The following KLHL22 variants were observed in gnomAD, a reference collection of about 807,000 sequenced individuals.
The protein encoded by KLHL22 is kelch-like protein 22.
KLHL22 carries 18 observed loss-of-function variants against 60.7 expected under a neutral mutation model. The ratio of observed to expected loss-of-function variants is 0.30; its 90% confidence interval spans 0.20 to 0.44. KLHL22 has a LOEUF of 0.44. Among genes scored for constraint, KLHL22 ranks in the 20% least tolerant of loss-of-function variants. The pLI, the probability that KLHL22 is intolerant of heterozygous loss-of-function variation, is 1.00. For missense variants in KLHL22, 596 were observed against 852.3 expected (o/e 0.70, Z 3.74); for synonymous variants, 355 against 354.5 (o/e 1.00, Z -0.01).
chr22:20,470,645 T>C (rs372419728), intron 3 of KLHL22, among the ~76,000 whole-genome samples: 29 of 152,244 alleles, frequency 1.9e-4, no homozygotes, highest in African/African-American at 5.5e-4. Context: ...AGAGAGCTTG[T>C]CTCCAATAAA....
intron 3 of KLHL22, among the ~76,000 whole-genome samples, chr22:20,470,617 C>G (rs2053299792): frequency 1.3e-5 from 2 of 152,142 alleles, no homozygotes; most frequent in Non-Finnish European, 2.9e-5. Context: ...CCACTGCACT[C>G]CAGCCTGGGC....
intron 4 of KLHL22, among the ~76,000 whole-genome samples, chr22:20,458,509 C>A (rs2053102893): frequency 7.1e-6 from 1 of 141,190 alleles, no homozygotes; most frequent in African/African-American, 2.6e-5. Context: ...TGGACTTAGG[C>A]AATCCTCCTG....
At chr22:20,473,556 A>G (rs1410482163) in intron 2 of KLHL22, among the ~76,000 whole-genome samples, 2 of 152,214 alleles carry the variant, frequency 1.3e-5, no homozygotes, top group Non-Finnish European at 2.9e-5. Flanking sequence ...TAGGTAATAC[A>G]TATACATGCT....
rs560787273 is a variant in KLHL22 at position 20,480,901 on chromosome 22, G to A, written c.227+8084C>T. Among the ~76,000 whole-genome samples, 30 of 144,220 alleles carry A rather than the reference G, an allele frequency of 2.1e-4. No individual in the cohort carries two copies. The South Asian group carries it at 5.1e-3, about 24-fold the overall frequency. The allele number at this position is 144,220 out of a possible 152,430, so 94.6% of individuals were successfully genotyped here. A position where few individuals can be genotyped will look rare whatever the true frequency, so the allele number is the denominator to read the frequency against. On this transcript the variant is annotated intron_variant, in intron 2 of 6. Coordinates refer to ENST00000328879, the MANE Select transcript of KLHL22 (RefSeq NM_032775.4). ...GGCTGGAATGCAGTGGCGCGATCTC[G>A]GCTCACTGCGAGCTCCGCCTCCTGG... is the stretch of plus-strand genomic sequence containing the variant.
At chr22:20,482,447 C>T (rs2146271055) in intron 2 of KLHL22, among the ~76,000 whole-genome samples, 1 of 152,224 alleles carries the variant, frequency 6.6e-6, no homozygotes, top group South Asian at 2.1e-4. Flanking sequence ...TGCAGTGGCA[C>T]ACTCACAACT....
At chr22:20,471,636 G>C in intron 2 of KLHL22, 121 bp from the exon 3 acceptor site, 5 of 980,714 alleles carry the variant, frequency 5.1e-6, no homozygotes, top group African/African-American at 1.6e-5. Flanking sequence ...GTAGTGGGCT[G>C]ACCCACTCTG....
At chr22:20,489,883 GT>G in intron 1 of KLHL22, 1 of 450,390 alleles carries the variant, frequency 2.2e-6, no homozygotes, top group South Asian at 1.6e-5. Flanking sequence ...CACAGTAACT[GT>G]GATTGAACCT....
Position 20,471,418 on chromosome 22 carries a change from A to G in KLHL22, c.325T>C (p.Tyr109His). Residue 109 changes from tyrosine (Y) to histidine (H), a missense_variant, in exon 3 of 7, where the codon TAC becomes CAC. Transcript: ENST00000328879. ...AGGCTGAGCTCCAGCTCGGAGGTGT[A>G]TATGAAATGTAGGATTTGGCACATA... ...NAMCQILHFI[Y>H]TSELELSLSN... 1 of 1,614,166 alleles carries G rather than the reference A, an allele frequency of 6.2e-7. No homozygotes were observed. Among genetic ancestry groups the G allele is most frequent in the Non-Finnish European group, 8.5e-7 (1 of 1,180,024 alleles).
chr22:20,446,835 A>G (rs529901736), intron 5 of KLHL22, among the ~76,000 whole-genome samples, 159 bp from the exon 6 acceptor site: 1 of 152,348 alleles, frequency 6.6e-6, no homozygotes, highest in South Asian at 2.1e-4. Context: ...CTCGATTCTC[A>G]TGGGACATAC....
chr22:20,475,191 T>C (rs2053391104), intron 2 of KLHL22: 1 of 151,948 alleles, frequency 6.6e-6, no homozygotes, highest in African/African-American at 2.4e-5. Context: ...TCTTTTTTTT[T>C]TTTTTTTTTA....
At chr22:20,490,115 G>T (rs1272836523) in intron 1 of KLHL22, among the ~76,000 whole-genome samples, 1 of 152,166 alleles carries the variant, frequency 6.6e-6, no homozygotes, top group African/African-American at 2.4e-5. Flanking sequence ...ACACTGTGAG[G>T]CATGGCCAAG....
chr22:20,456,061 C>T lies in KLHL22; in HGVS notation c.1305+1747G>A, dbSNP rs190240232. On this transcript the variant is annotated intron_variant, in intron 5 of 6. Transcript: ENST00000328879. ...AAGTCTTAACCAAGAAGACAAGAAC[C>T]GAGGACACATTCCCAGTAACATTTC... 3.6e-3 allele frequency among the ~76,000 whole-genome samples: 547 copies of T among 152,258 alleles called. 3 individuals are homozygous for T. Among genetic ancestry groups the T allele is most frequent in the South Asian group, 0.019 (91 of 4,816 alleles).
At chr22:20,445,632 G>T (rs1008744320) in intron 6 of KLHL22, among the ~76,000 whole-genome samples, 24 of 152,298 alleles carry the variant, frequency 1.6e-4, no homozygotes, top group African/African-American at 5.3e-4. Flanking sequence ...ACCTAGGCTG[G>T]GGAACAGCGG....
intron 2 of KLHL22, 45 bp from the exon 3 acceptor site, chr22:20,471,560 C>T: frequency 2.5e-6 from 4 of 1,591,978 alleles, no homozygotes; most frequent in Non-Finnish European, 2.6e-6. Context: ...CCAACAGGGA[C>T]TTAAGCCCAT....
chr22:20,475,311 C>T (rs1449226074), intron 2 of KLHL22: 1 of 151,998 alleles, frequency 6.6e-6, no homozygotes, highest in Middle Eastern at 3.2e-3. Flanking sequence ...TCGGACCAAC[C>T]TATCTTCGTT....
intron 2 of KLHL22, among the ~76,000 whole-genome samples, chr22:20,487,245 T>A (rs2053600971): frequency 6.7e-6 from 1 of 150,282 alleles, no homozygotes. Flanking sequence ...TGAAACAGGG[T>A]CTTGCTCTGT....
At chr22:20,451,993 T>C (rs1486860122) in intron 5 of KLHL22, among the ~76,000 whole-genome samples, 2 of 152,080 alleles carry the variant, frequency 1.3e-5, no homozygotes, top group African/African-American at 4.8e-5. Context: ...CTCGTCCTGG[T>C]TGTTGTTCCT....
intron 5 of KLHL22, among the ~76,000 whole-genome samples, chr22:20,448,846 A>T (rs1234098701): frequency 6.6e-6 from 1 of 152,146 alleles, no homozygotes; most frequent in Non-Finnish European, 1.5e-5. Context: ...CCATGAGCAT[A>T]GTTTCCCTGC....
intron 5 of KLHL22, among the ~76,000 whole-genome samples, chr22:20,454,572 C>G (rs771299973): frequency 6.6e-6 from 1 of 152,160 alleles, no homozygotes; most frequent in East Asian, 1.9e-4. Flanking sequence ...TACATGGCTA[C>G]AGGCAGTTGG....
Sources: gnomAD v4.1 joint callset for allele counts (sites outside exome capture counted in the v4.1 genomes callset) on GRCh38, gnomAD v4.1.1 for gene constraint, MANE v1.5 for transcripts, NCBI Gene and HGNC (gene_info 2026-07-23, HGNC 2026-07-21) for gene names.